Variants in CCDC141 observed in about 807,000 individuals in gnomAD.
CCDC141 encodes coiled-coil domain-containing protein 141.
In CCDC141, 168 loss-of-function variants were observed where a neutral mutation model predicts 181.0. That is an observed-to-expected ratio of 0.93 (90% CI 0.82 to 1.05). The LOEUF is 1.05. CCDC141 is among the 50% of genes least tolerant of loss of function. CCDC141 has a pLI of 0.00. For synonymous variants in CCDC141, 666 were observed against 642.3 expected (o/e 1.04, Z -0.56); for missense variants, 1,902 against 1,788.5 (o/e 1.06, Z -1.14).
At chr2:179,047,734 A>G (rs1198088593) in intron 1 of CCDC141, among the ~76,000 whole-genome samples, 1 of 152,228 alleles carries the variant, frequency 6.6e-6, no homozygotes, top group Non-Finnish European at 1.5e-5. Flanking sequence ...TTACAGAATA[A>G]TTTACACAAC....
At chr2:179,029,711 G>C (rs1665203761) in intron 2 of CCDC141, among the ~76,000 whole-genome samples, 1 of 152,034 alleles carries the variant, frequency 6.6e-6, no homozygotes, top group Non-Finnish European at 1.5e-5. Flanking sequence ...GTATAAACAT[G>C]ATTTATTAAA....
chr2:178,895,946 A>T (rs55766943), intron 8 of CCDC141, among the ~76,000 whole-genome samples: 342 of 152,210 alleles, frequency 2.2e-3, no homozygotes, highest in Admixed American at 5.0e-3. Flanking sequence ...GCTTTCCTTC[A>T]ATGTCATGCC....
chr2:178,956,942 C>T (rs1042460579), intron 5 of CCDC141, among the ~76,000 whole-genome samples: 2 of 151,926 alleles, frequency 1.3e-5, no homozygotes, highest in East Asian at 1.9e-4. Context: ...TGCAATGGCA[C>T]GATCTCGGCT....
intron 2 of CCDC141, among the ~76,000 whole-genome samples, chr2:179,041,431 C>A (rs1158205318): frequency 9.0e-6 from 1 of 111,474 alleles, no homozygotes; most frequent in Non-Finnish European, 1.9e-5. Context: ...GCATGTATGT[C>A]TTCTTTTGAG....
At chr2:178,954,775 A>G (rs1055117437) in intron 5 of CCDC141, among the ~76,000 whole-genome samples, 3 of 152,066 alleles carry the variant, frequency 2.0e-5, no homozygotes, top group Non-Finnish European at 4.4e-5. Context: ...GTAAAGATTG[A>G]TAGCTCCTGT....
In CCDC141 at chr2:178,935,874, G is replaced by A. The variant is rs531599784; in HGVS notation, c.897+8661C>T. 3.3e-5 allele frequency among the ~76,000 whole-genome samples: 5 copies of A among 151,754 alleles called. No homozygotes were observed. In the East Asian group the frequency reaches 9.7e-4, roughly 29 times the overall value. On this transcript the variant is annotated intron_variant, in intron 6 of 23. Transcript: ENST00000443758. ...GATATTGAGCTTTTTTTTCATGTTTGTGGGCTACATGTATGTCTTCTTTTG... is the reference window on the plus strand; with the variant it reads ...GATATTGAGCTTTTTTTTCATGTTTATGGGCTACATGTATGTCTTCTTTTG...
At chr2:178,966,757 G>A (rs986125377) in intron 4 of CCDC141, among the ~76,000 whole-genome samples, 3 of 151,976 alleles carry the variant, frequency 2.0e-5, no homozygotes, top group African/African-American at 4.8e-5. Context: ...TGAGTTTGAC[G>A]AATGAAAGAA....
At chr2:178,816,782 C>A in the CCDC141 span, among the ~76,000 whole-genome samples, 1 of 152,066 alleles carries the variant, frequency 6.6e-6, no homozygotes, top group East Asian at 1.9e-4. Flanking sequence ...AAAATAAGTA[C>A]TTTGGGATAA....
chr2:179,008,823 C>T (rs762019084), intron 2 of CCDC141, among the ~76,000 whole-genome samples: 6 of 152,266 alleles, frequency 3.9e-5, no homozygotes, highest in Non-Finnish European at 7.3e-5. Flanking sequence ...GTTCTTTTAA[C>T]TTTAGATGTT....
intron 23 of CCDC141, among the ~76,000 whole-genome samples, 187 bp from the exon 24 acceptor site, chr2:178,834,627 G>A (rs1684401330): frequency 6.6e-6 from 1 of 151,976 alleles, no homozygotes; most frequent in Non-Finnish European, 1.5e-5. Flanking sequence ...CTAGATTGCA[G>A]TAGCAGAATC....
chr2:178,896,593 T>A (rs1190269162), intron 8 of CCDC141, among the ~76,000 whole-genome samples: 1 of 152,180 alleles, frequency 6.6e-6, no homozygotes, highest in Non-Finnish European at 1.5e-5. Flanking sequence ...AAAATATATA[T>A]TTTTAAAAAA....
chr2:178,988,807 T>A (rs943610429), intron 2 of CCDC141, among the ~76,000 whole-genome samples: 4 of 152,132 alleles, frequency 2.6e-5, no homozygotes, highest in African/African-American at 9.7e-5. Context: ...AGGATAGACA[T>A]ATAGGGTAAT....
chr2:178,894,803 A>G (rs1367522951), intron 8 of CCDC141, among the ~76,000 whole-genome samples: 2 of 152,148 alleles, frequency 1.3e-5, no homozygotes, highest in African/African-American at 4.8e-5. Flanking sequence ...AATAGAAGGT[A>G]TAGAAGAGAA....
chr2:178,875,808 C>T (rs1686334110), intron 12 of CCDC141: 1 of 152,048 alleles, frequency 6.6e-6, no homozygotes, highest in Non-Finnish European at 1.5e-5. Context: ...CAAAATTACG[C>T]AGTTTGAAAG....
rs766921847 is a variant in CCDC141, at chr2:178,847,300, C to T, written c.3358-1558G>A. Among the ~76,000 whole-genome samples, 8 of 152,076 alleles carry T rather than the reference C, an allele frequency of 5.3e-5. No homozygotes were observed. The East Asian group carries it at 5.8e-4, about 11-fold the overall frequency. The stretch of plus-strand genomic sequence containing the variant: ...ACCCCAGCATTTTGAGAGGCCAAGG[C>T]GGAAAGATCACTTGAGCCCAGGAGT... On this transcript the variant is annotated intron_variant, in intron 21 of 23. Coordinates refer to ENST00000443758, the MANE Select transcript of CCDC141 (RefSeq NM_173648.4).
chr2:178,853,624 A>T lies in CCDC141; in HGVS notation c.3061T>A (p.Cys1021Ser). 1 of 1,610,880 alleles carries T rather than the reference A, an allele frequency of 6.2e-7. No individual in the cohort carries two copies. ...TEHFQEVIEE[C>S]HFWYEDASAT... is the part of the protein sequence containing the mutation. ...CTTGCATCTTCGTACCAAAAATGAC[A>T]CTAAATTTAAATGGGATAAAGCACA... Residue 1021 changes from cysteine to serine, a missense_variant and splice_region_variant, in exon 20 of 24, where the codon TGT becomes AGT. Transcript: ENST00000443758.
intron 4 of CCDC141, among the ~76,000 whole-genome samples, chr2:178,964,082 A>G (rs1201119852): frequency 6.6e-6 from 1 of 152,196 alleles, no homozygotes; most frequent in East Asian, 1.9e-4. Flanking sequence ...TCCAAGACAC[A>G]CCTGGTGAAA....
Position 178,983,690 on chromosome 2 carries a change from C to A in CCDC141, c.226-5015G>T, listed in dbSNP as rs531814713. Among the ~76,000 whole-genome samples, 865 of 150,830 alleles carry A rather than the reference C, an allele frequency of 5.7e-3. 3 individuals carry two copies. Among genetic ancestry groups the A allele is most frequent in the Non-Finnish European group, 9.8e-3 (665 of 67,816 alleles). ...AATGCAGAAGCCTCAGGAGCCGATG[C>A]GATCAACTGGAAGAAAGGGTATCAG... is the stretch of plus-strand genomic sequence containing the variant. On this transcript the variant is annotated intron_variant, in intron 2 of 23. Transcript: ENST00000443758.
chr2:178,851,287 G>A (rs1685156372), intron 20 of CCDC141, among the ~76,000 whole-genome samples: 1 of 151,418 alleles, frequency 6.6e-6, no homozygotes, highest in Non-Finnish European at 1.5e-5. Flanking sequence ...AGAACTATCT[G>A]ACTCTACACC....
Sources: gnomAD v4.1 joint callset for allele counts (sites outside exome capture counted in the v4.1 genomes callset) on GRCh38, gnomAD v4.1.1 for gene constraint, MANE v1.5 for transcripts, NCBI Gene and HGNC (gene_info 2026-07-23, HGNC 2026-07-21) for gene names.